The following LRRC49 variants were observed in gnomAD, a reference collection of about 807,000 sequenced individuals.
LRRC49 encodes the protein leucine-rich repeat-containing protein 49.
In LRRC49, 50 loss-of-function variants were observed where a neutral mutation model predicts 83.3. The observed-to-expected ratio is 0.60, with a 90% CI of 0.48 to 0.76. The LOEUF (loss-of-function observed/expected upper bound fraction) is 0.76, where lower values mean the gene tolerates loss of function less well. Ranked by LOEUF, LRRC49 falls within the 30% of genes least tolerant of loss-of-function variation. The pLI is 0.00. For synonymous variants in LRRC49, 286 were observed against 283.3 expected, an observed-to-expected ratio of 1.01 and a Z score of -0.10; for missense variants, 704 against 809.1, an observed-to-expected ratio of 0.87 and a Z score of 1.58.
At chr15:70,915,593 G>A (rs763979466) in intron 6 of LRRC49, among the ~76,000 whole-genome samples, 31 of 151,968 alleles carry the variant, frequency 2.0e-4, no homozygotes, top group Admixed American at 2.6e-4. Context: ...TAGCATTTTG[G>A]GAGGATTTCT....
At chr15:70,950,302 G>A (rs2141178400) in intron 8 of LRRC49, among the ~76,000 whole-genome samples, 1 of 152,150 alleles carries the variant, frequency 6.6e-6, no homozygotes, top group African/African-American at 2.4e-5. Context: ...ATTTTCATTT[G>A]GATATATACC....
At chr15:71,021,854 A>G (rs936725911) in intron 14 of LRRC49, among the ~76,000 whole-genome samples, 3 of 152,206 alleles carry the variant, frequency 2.0e-5, no homozygotes, top group African/African-American at 4.8e-5. Context: ...GAAACATGCA[A>G]GGCCTCTTGA....
chr15:70,880,132 C>T (rs894550973), intron 2 of LRRC49, among the ~76,000 whole-genome samples: 1 of 152,170 alleles, frequency 6.6e-6, no homozygotes, highest in Non-Finnish European at 1.5e-5. Flanking sequence ...ATTCTCTTCC[C>T]TCAGATCATT....
At chr15:70,911,320 G>A (rs1489941607) in intron 5 of LRRC49, among the ~76,000 whole-genome samples, 1 of 152,088 alleles carries the variant, frequency 6.6e-6, no homozygotes, top group Non-Finnish European at 1.5e-5. Flanking sequence ...TTCTAATGAT[G>A]TGACATTTAA....
At chr15:70,945,519 CTGTGTGTGTGTGTGTGTGTGTG>C (rs749607668) in intron 8 of LRRC49, among the ~76,000 whole-genome samples, 109 of 135,880 alleles carry the variant, frequency 8.0e-4, no homozygotes, top group Non-Finnish European at 1.5e-3. Flanking sequence ...ATTTAACAAC[CTGTGTGTGTGTGTGTGTGTGTG>C]TGTGTGTGTG....
At chr15:70,949,412 AC>A (rs1459320599) in intron 8 of LRRC49, among the ~76,000 whole-genome samples, 1 of 152,186 alleles carries the variant, frequency 6.6e-6, no homozygotes, top group African/African-American at 2.4e-5. Context: ...ATGTAAACAA[AC>A]CTACTGAGCT....
intron 11 of LRRC49, among the ~76,000 whole-genome samples, chr15:71,006,050 G>A (rs938012578): frequency 2.0e-5 from 3 of 152,160 alleles, no homozygotes; most frequent in African/African-American, 7.2e-5. Flanking sequence ...CTAGGTGCTA[G>A]TGAAAAGGAT....
intron 1 of LRRC49, among the ~76,000 whole-genome samples, chr15:70,858,186 G>A (rs1309138905): frequency 6.6e-6 from 1 of 152,216 alleles, no homozygotes; most frequent in East Asian, 1.9e-4. Context: ...GTTGAATCTG[G>A]TCTGCAGAAG....
At chr15:70,884,543 G>GAA (rs1346347850) in intron 2 of LRRC49, among the ~76,000 whole-genome samples, 2 of 135,932 alleles carry the variant, frequency 1.5e-5, no homozygotes, top group Non-Finnish European at 3.2e-5. Context: ...TATACACACA[G>GAA]AAAAAAAAAA....
chr15:70,889,786 G>A (rs1035453293), upstream of LRRC49, among the ~76,000 whole-genome samples: 3 of 152,056 alleles, frequency 2.0e-5, no homozygotes, highest in Non-Finnish European at 4.4e-5. Flanking sequence ...CAGAATCACT[G>A]GAAATCTGAT....
chr15:71,043,997 C>G (rs2039774582), intron 15 of LRRC49, among the ~76,000 whole-genome samples: 1 of 152,190 alleles, frequency 6.6e-6, no homozygotes, highest in Non-Finnish European at 1.5e-5. Flanking sequence ...TAAATATGCT[C>G]TATGCTTTCT....
chr15:70,913,967 A>G (rs1007623126), intron 6 of LRRC49, among the ~76,000 whole-genome samples: 8 of 151,960 alleles, frequency 5.3e-5, no homozygotes, highest in African/African-American at 1.9e-4. Flanking sequence ...CCTGTGTTAT[A>G]TATTTTATAA....
chr15:70,963,739 A>T, intron 8 of LRRC49, 46 bp from the exon 9 acceptor site: 3 of 1,574,676 alleles, frequency 1.9e-6, no homozygotes, highest in Non-Finnish European at 2.6e-6. Context: ...TGAAAGTATT[A>T]TCTTAAGGCC....
chr15:70,884,498 C>A (rs1470862008), intron 2 of LRRC49, among the ~76,000 whole-genome samples: 2 of 151,060 alleles, frequency 1.3e-5, no homozygotes, highest in Non-Finnish European at 2.9e-5. Flanking sequence ...CCAGCCTGGG[C>A]GACAGAGTGA....
chr15:70,945,639 GT>G lies in LRRC49; in HGVS notation c.773+8828del, dbSNP rs544555851. Among the ~76,000 whole-genome samples, 713 of 137,230 alleles carry G rather than the reference GT, an allele frequency of 5.2e-3. 4 individuals are homozygous for G. Among genetic ancestry groups the G allele is most frequent in the South Asian group, 0.01 (43 of 4,234 alleles). 90.0% of individuals were successfully genotyped at this position (137,230 alleles called of 152,430 possible). A position where few individuals can be genotyped will look rare whatever the true frequency, so the allele number is the denominator to read the frequency against. On this transcript the variant is annotated intron_variant, in intron 8 of 15. Transcript: ENST00000260382. ...TTTATTTGTTTTTAGTATTAAAGAT[GT>G]TTTTTTTTTTGTAGGACTGAAACTC...
intron 5 of LRRC49, among the ~76,000 whole-genome samples, chr15:70,905,531 ACT>A (rs1413037409): frequency 2.0e-5 from 3 of 152,162 alleles, no homozygotes. Flanking sequence ...CATGGCCGAC[ACT>A]CTATAACGAA....
In LRRC49 at chr15:71,050,228, TC is replaced by T. The variant is rs56141905; in HGVS notation, c.*617del. ...AGGGAACCACAGGAGGTCCTGGGAA[TC>T]ACTATGGGCAGAGAATATGCAAATG... On this transcript the variant is annotated 3_prime_UTR_variant, in exon 16 of 16. Transcript: ENST00000260382. The T allele has an allele frequency of 0.29, 44,722 of 152,126 alleles. 7,952 individuals carry two copies. The highest frequency in any genetic ancestry group is 0.39 in the Non-Finnish European group (26,457 of 68,000). 9.4% of individuals were successfully genotyped at this position (152,126 alleles called of 1,614,324 possible). A position where few individuals can be genotyped will look rare whatever the true frequency, so the allele number is the denominator to read the frequency against.
chr15:70,943,600 T>C (rs972049506), intron 8 of LRRC49, among the ~76,000 whole-genome samples: 1 of 152,316 alleles, frequency 6.6e-6, no homozygotes, highest in East Asian at 1.9e-4. Context: ...ATGCACAGTG[T>C]GTTTACTGGA....
At chr15:70,871,619 G>C (rs940740706) in intron 1 of LRRC49, among the ~76,000 whole-genome samples, 13 of 151,954 alleles carry the variant, frequency 8.6e-5, no homozygotes, top group Non-Finnish European at 1.6e-4. Context: ...GCCGGGCAGA[G>C]ACGCTCCTCA....
Sources: gnomAD v4.1 joint callset for allele counts (sites outside exome capture counted in the v4.1 genomes callset) on GRCh38, gnomAD v4.1.1 for gene constraint, MANE v1.5 for transcripts, NCBI Gene and HGNC (gene_info 2026-07-23, HGNC 2026-07-21) for gene names.